The following GAS7 variants were observed in gnomAD, a reference collection of about 807,000 sequenced individuals.
GAS7 encodes the protein growth arrest specific 7.
Under a neutral mutation model 71.1 loss-of-function variants are expected in GAS7, and 28 were observed. The observed-to-expected ratio is 0.39, with a 90% CI of 0.29 to 0.54. The LOEUF (loss-of-function observed/expected upper bound fraction) is 0.54. GAS7 is among the 20% of genes least tolerant of loss of function. The pLI is 0.62. For missense variants in GAS7, 436 were observed against 627.8 expected (o/e 0.69, Z 3.27); for synonymous variants, 258 against 245.8 (o/e 1.05, Z -0.46).
rs544369999 is a variant in GAS7, at chr17:10,194,568, C to T, written c.183+3640G>A. On this transcript the variant is annotated intron_variant, in intron 1 of 13. Coordinates refer to ENST00000432992, the MANE Select transcript of GAS7 (RefSeq NM_201433.2). Reference sequence around the variant, plus strand: ...GAAATATTCCCACATGTGGGGTTCCCAGGTCTATGGAGGCAATCTCAGGCC... The same window carrying T: ...GAAATATTCCCACATGTGGGGTTCCTAGGTCTATGGAGGCAATCTCAGGCC... Among the ~76,000 whole-genome samples, 158 of 152,326 alleles carry T rather than the reference C, an allele frequency of 1.0e-3. 1 individual carries two copies. The highest frequency in any genetic ancestry group is 1.6e-3 in the Non-Finnish European group (109 of 68,036).
At chr17:10,080,872 T>G (rs969763339) in intron 1 of GAS7, among the ~76,000 whole-genome samples, 10 of 152,176 alleles carry the variant, frequency 6.6e-5, no homozygotes, top group African/African-American at 2.4e-4. Context: ...AGTGAACAGA[T>G]AGACAAATAG....
chr17:10,031,039 T>A (rs776790111), intron 1 of GAS7, among the ~76,000 whole-genome samples: 4 of 152,236 alleles, frequency 2.6e-5, no homozygotes, highest in Non-Finnish European at 5.9e-5. Flanking sequence ...CCTCACACTG[T>A]GGCTGTCACT....
chr17:10,053,653 C>T (rs1480331156), intron 1 of GAS7, among the ~76,000 whole-genome samples: 1 of 152,010 alleles, frequency 6.6e-6, no homozygotes, highest in East Asian at 1.9e-4. Context: ...AGTGCTGAAT[C>T]GTCTAGAAAA....
intron 1 of GAS7, among the ~76,000 whole-genome samples, chr17:10,057,713 G>T (rs1187687180): frequency 6.6e-6 from 1 of 152,162 alleles, no homozygotes; most frequent in Non-Finnish European, 1.5e-5. Context: ...GAAGTGAGGA[G>T]CCCCTCTGCC....
Position 9,947,034 on chromosome 17 carries a change from G to A in GAS7, c.526-51C>T, listed in dbSNP as rs4791377. On this transcript the variant is annotated intron_variant, in intron 5 of 13. Transcript: ENST00000432992. ...TGACCCCGCTGGAGACTGGAATAGC[G>A]AGGAAGGCTTCGGCTCCTGGGGGAC... is the stretch of plus-strand genomic sequence containing the variant. 10,390 of 1,309,458 alleles carry A rather than the reference G, an allele frequency of 7.9e-3. 417 individuals carry two copies. The African/African-American group carries it at 0.1, about 13-fold the overall frequency. The allele number at this position is 1,309,458 out of a possible 1,614,324, so 81.1% of individuals were successfully genotyped here.
chr17:10,153,774 G>C (rs977022300), intron 1 of GAS7, among the ~76,000 whole-genome samples: 6 of 152,084 alleles, frequency 3.9e-5, no homozygotes, highest in Non-Finnish European at 5.9e-5. Context: ...GCAGGTCAGA[G>C]TGACCAAGCA....
chr17:10,000,080 T>C (rs563621675), intron 2 of GAS7, among the ~76,000 whole-genome samples: 4 of 152,330 alleles, frequency 2.6e-5, no homozygotes, highest in African/African-American at 9.6e-5. Context: ...ACTTGGTCTG[T>C]TTCATAGACT....
chr17:10,126,024 G>T (rs2073943290), intron 1 of GAS7, among the ~76,000 whole-genome samples: 1 of 152,176 alleles, frequency 6.6e-6, no homozygotes, highest in African/African-American at 2.4e-5. Flanking sequence ...CTGCGCTGAT[G>T]TGTTCCCTGG....
chr17:10,019,033 G>A (rs531459987), intron 2 of GAS7, among the ~76,000 whole-genome samples: 1 of 152,276 alleles, frequency 6.6e-6, no homozygotes, highest in East Asian at 1.9e-4. Context: ...ACCACAGCCT[G>A]CAACAGTGCC....
chr17:9,969,778 C>G lies in GAS7; in HGVS notation c.386-16G>C, dbSNP rs747793702. On this transcript the variant is annotated splice_polypyrimidine_tract_variant and intron_variant, in intron 3 of 13. Transcript: ENST00000432992. The surrounding 1 kb of genome is among the most constrained non-coding windows in gnomAD (Gnocchi z 5.5). Reference sequence around the variant, plus strand: ...TATCCATTCACTGCAGGGACAGAGACACGGCTCAGATGCTGTGTGGGCCAC... The same window carrying G: ...TATCCATTCACTGCAGGGACAGAGAGACGGCTCAGATGCTGTGTGGGCCAC... 27 of 1,565,124 alleles carry G rather than the reference C, an allele frequency of 1.7e-5. No homozygotes were observed. In the South Asian group the frequency reaches 2.8e-4, roughly 16 times the overall value.
intron 1 of GAS7, among the ~76,000 whole-genome samples, chr17:10,070,851 G>C (rs2073333158): frequency 6.6e-6 from 1 of 151,950 alleles, no homozygotes; most frequent in Admixed American, 6.6e-5. Context: ...TTGGGGTGGT[G>C]GCGAAGGAAG....
chr17:9,952,124 A>G (rs944644299), intron 5 of GAS7, among the ~76,000 whole-genome samples: 3 of 152,230 alleles, frequency 2.0e-5, no homozygotes, highest in African/African-American at 7.2e-5. Context: ...AACATGCCTC[A>G]GAGTCACCTA....
intron 1 of GAS7, among the ~76,000 whole-genome samples, chr17:10,150,591 CTTTTT>C (rs3051271): frequency 8.4e-6 from 1 of 118,956 alleles, no homozygotes; most frequent in African/African-American, 3.4e-5. Flanking sequence ...TGTTACATTT[CTTTTT>C]TTTTTTTTTT....
intron 1 of GAS7, among the ~76,000 whole-genome samples, chr17:10,134,489 TG>T (rs999715757): frequency 7.2e-5 from 11 of 152,202 alleles, no homozygotes; most frequent in Non-Finnish European, 1.2e-4. Context: ...TTTAATTTTT[TG>T]TGGAACCTCC....
At chr17:10,005,559 G>A (rs11654135) in intron 2 of GAS7, among the ~76,000 whole-genome samples, 1 of 152,058 alleles carries the variant, frequency 6.6e-6, no homozygotes, top group Non-Finnish European at 1.5e-5. Context: ...TGTTCATGCA[G>A]GAAGGTGGGG....
intron 1 of GAS7, among the ~76,000 whole-genome samples, chr17:10,066,249 C>T (rs916737274): frequency 2.0e-5 from 3 of 152,152 alleles, no homozygotes; most frequent in Non-Finnish European, 4.4e-5. Flanking sequence ...GGCATGATCT[C>T]GGCTCACCAC....
At chr17:10,063,512 T>C (rs2073242838) in intron 1 of GAS7, among the ~76,000 whole-genome samples, 1 of 152,190 alleles carries the variant, frequency 6.6e-6, no homozygotes. Context: ...CTAGTTTCTA[T>C]GATTATGCTT....
At chr17:10,150,542 A>AGGC (rs1389522616) in intron 1 of GAS7, among the ~76,000 whole-genome samples, 4 of 151,292 alleles carry the variant, frequency 2.6e-5, no homozygotes, top group Non-Finnish European at 5.9e-5. Context: ...CACCTATGAG[A>AGGC]GGCAGCAAAT....
intron 1 of GAS7, among the ~76,000 whole-genome samples, chr17:10,039,440 G>T (rs1204401485): frequency 2.0e-5 from 3 of 152,102 alleles, no homozygotes; most frequent in Non-Finnish European, 4.4e-5. Flanking sequence ...CCAACACTTT[G>T]GAAGGCTGAG....
Sources: gnomAD v4.1 joint callset for allele counts (sites outside exome capture counted in the v4.1 genomes callset) on GRCh38, gnomAD v4.1.1 for gene constraint, Gnocchi (gnomAD v3.1) non-coding constraint, MANE v1.5 for transcripts, NCBI Gene and HGNC (gene_info 2026-07-23, HGNC 2026-07-21) for gene names.